Variants in KLF12 observed in about 807,000 individuals in gnomAD.
KLF12 encodes the protein Krueppel-like factor 12.
Under a neutral mutation model 37.8 loss-of-function variants are expected in KLF12, and 9 were observed. That is an observed-to-expected ratio of 0.24 (90% CI 0.14 to 0.42). The LOEUF (loss-of-function observed/expected upper bound fraction) is 0.42. KLF12 is among the 10% of genes least tolerant of loss of function. The probability of loss-of-function intolerance (pLI) is 1.00; values close to 1 mark genes in which losing one functional copy is unlikely to be tolerated. For synonymous variants in KLF12, 208 were observed against 202.1 expected, an observed-to-expected ratio of 1.03 and a Z score of -0.25; for missense variants, 411 against 516.0, an observed-to-expected ratio of 0.80 and a Z score of 1.97.
the KLF12 span, among the ~76,000 whole-genome samples, chr13:74,139,273 T>G: frequency 6.6e-6 from 1 of 152,348 alleles, no homozygotes. Flanking sequence ...GCTCACCTAT[T>G]ACATGTAACC....
At chr13:73,872,164 T>G (rs1045853518) in intron 3 of KLF12, among the ~76,000 whole-genome samples, 12 of 152,118 alleles carry the variant, frequency 7.9e-5, no homozygotes, top group African/African-American at 2.7e-4. Flanking sequence ...GGTCAATGAT[T>G]TGATTTTTAG....
At chr13:73,872,925 TGA>T (rs934218765) in intron 3 of KLF12, among the ~76,000 whole-genome samples, 1 of 152,154 alleles carries the variant, frequency 6.6e-6, no homozygotes, top group Non-Finnish European at 1.5e-5. Flanking sequence ...TGAACCTTTG[TGA>T]GAGCAGAGAC....
chr13:74,237,346 C>T, the KLF12 span, among the ~76,000 whole-genome samples: 2 of 144,228 alleles, frequency 1.4e-5, no homozygotes, highest in Non-Finnish European at 1.5e-5. Context: ...TTACCGTAGC[C>T]TTGTAGTATA....
chr13:73,841,657 T>C (rs1253013581), intron 4 of KLF12, among the ~76,000 whole-genome samples: 1 of 152,156 alleles, frequency 6.6e-6, no homozygotes, highest in Non-Finnish European at 1.5e-5. Context: ...TTTATAAATA[T>C]CATGTCTTAG....
At chr13:74,076,550 C>T (rs2138731292) in intron 1 of KLF12, among the ~76,000 whole-genome samples, 1 of 152,308 alleles carries the variant, frequency 6.6e-6, no homozygotes, top group Admixed American at 6.5e-5. Flanking sequence ...GGGCCTTAAT[C>T]CCATTCATGA....
intron 1 of KLF12, among the ~76,000 whole-genome samples, chr13:74,061,074 G>A (rs1250231585): frequency 6.6e-6 from 1 of 152,178 alleles, no homozygotes; most frequent in Non-Finnish European, 1.5e-5. Context: ...AAGGCCTTGA[G>A]GCATTGTACA....
rs112732236 is a variant in KLF12 at position 73,851,302 on chromosome 13, C to T, written c.124-4929G>A. ...CAGAATCTCATAAATACAGTCATTG[C>T]GGAGGCACAGTGTTTACTGAACCAA... On this transcript the variant is annotated intron_variant, in intron 3 of 7. Transcript: ENST00000377669. 1.3e-3 allele frequency among the ~76,000 whole-genome samples: 202 copies of T among 152,208 alleles called. 1 individual carries two copies. The highest frequency in any genetic ancestry group is 4.5e-3 in the African/African-American group (185 of 41,528).
At chr13:73,958,918 G>A (rs1457295644) in intron 2 of KLF12, among the ~76,000 whole-genome samples, 10 of 152,028 alleles carry the variant, frequency 6.6e-5, no homozygotes, top group Non-Finnish European at 1.5e-4. Flanking sequence ...TGGAAAACAC[G>A]AAGGTGATCT....
chr13:74,277,881 G>A, the KLF12 span, among the ~76,000 whole-genome samples: 2 of 152,212 alleles, frequency 1.3e-5, no homozygotes, highest in Non-Finnish European at 2.9e-5. Flanking sequence ...AGGATGGAGA[G>A]TAGTTGGCTT....
intron 1 of KLF12, among the ~76,000 whole-genome samples, chr13:74,027,288 G>A (rs1892999666): frequency 6.6e-6 from 1 of 151,370 alleles, no homozygotes. Context: ...TTCTCTAACT[G>A]TCTTCTTTTC....
At chr13:73,937,123 G>C (rs899887450) in intron 3 of KLF12, among the ~76,000 whole-genome samples, 1 of 151,944 alleles carries the variant, frequency 6.6e-6, no homozygotes, top group East Asian at 1.9e-4. Context: ...CCGGGAGGTG[G>C]AGCTTGCAGT....
At chr13:74,193,020 C>T in the KLF12 span, among the ~76,000 whole-genome samples, 23 of 150,550 alleles carry the variant, frequency 1.5e-4, no homozygotes, top group Admixed American at 8.6e-4. Flanking sequence ...ACTCTGTCAC[C>T]CAGGCTGGAG....
intron 4 of KLF12, among the ~76,000 whole-genome samples, chr13:73,825,783 C>T (rs1883804840): frequency 6.6e-6 from 1 of 152,134 alleles, no homozygotes; most frequent in African/African-American, 2.4e-5. Flanking sequence ...GCCTTGATTT[C>T]CTTGACCAAA....
intron 1 of KLF12, among the ~76,000 whole-genome samples, chr13:74,044,013 T>C (rs1021495896): frequency 2.6e-5 from 4 of 152,278 alleles, no homozygotes; most frequent in African/African-American, 9.6e-5. Context: ...AAGAATGATA[T>C]GGTCAATAAA....
rs180767081 is a variant in KLF12 at position 73,779,504 on chromosome 13, T to A, written c.807-14504A>T. On this transcript the variant is annotated intron_variant, in intron 5 of 7. Coordinates refer to ENST00000377669, the MANE Select transcript of KLF12 (RefSeq NM_007249.5). ...CTGGAGAGGACATGGAAACTCAGGG[T>A]TCCCCCTGATACCTTACCCTATCCA... 4.8e-4 allele frequency among the ~76,000 whole-genome samples: 73 copies of A among 152,266 alleles called. 1 individual carries two copies. The East Asian group carries it at 7.7e-3, about 16-fold the overall frequency.
the KLF12 span, among the ~76,000 whole-genome samples, chr13:74,162,564 T>A: frequency 2.6e-5 from 4 of 152,204 alleles, no homozygotes; most frequent in African/African-American, 9.6e-5. Flanking sequence ...GGCTCTGAAA[T>A]AGTAGGATTT....
chr13:73,968,728 C>T (rs1024973872), intron 2 of KLF12, among the ~76,000 whole-genome samples: 4 of 152,102 alleles, frequency 2.6e-5, no homozygotes, highest in Admixed American at 6.5e-5. Context: ...ATAATTTATT[C>T]GTCTTTTATT....
chr13:73,935,902 G>A lies in KLF12; in HGVS notation c.123+8079C>T, dbSNP rs372845600. On this transcript the variant is annotated intron_variant, in intron 3 of 7. Transcript: ENST00000377669. ...CTTGGGATCACAGGCGTGAGCACTT[G>A]GCCTCAGGTATTTCTTTACAGCAAT... Among the ~76,000 whole-genome samples, 6 of 152,122 alleles carry A rather than the reference G, an allele frequency of 3.9e-5. No homozygotes were observed. The East Asian group carries it at 7.7e-4, about 20-fold the overall frequency.
chr13:73,835,658 C>T (rs780618581), intron 4 of KLF12, among the ~76,000 whole-genome samples: 5 of 152,058 alleles, frequency 3.3e-5, no homozygotes, highest in Non-Finnish European at 5.9e-5. Context: ...ACTTTTTGGA[C>T]AGGAACCACA....
Sources: allele counts gnomAD v4.1 joint callset (sites outside exome capture counted in the v4.1 genomes callset), GRCh38; gene constraint gnomAD v4.1.1; transcripts MANE v1.5; gene names NCBI Gene and HGNC (gene_info 2026-07-23, HGNC 2026-07-21).